The following TRIM37 variants were observed in gnomAD, a reference collection of about 807,000 sequenced individuals.
TRIM37 encodes tripartite motif containing 37, also known as E3 ubiquitin-protein ligase TRIM37.
In TRIM37, 80 loss-of-function variants were observed where a neutral mutation model predicts 129.8. That is an observed-to-expected ratio of 0.62 (90% confidence interval 0.51 to 0.74). The LOEUF is 0.74. TRIM37 is among the 30% of genes least tolerant of loss of function. The pLI is 0.00. For synonymous variants in TRIM37, 389 were observed against 387.1 expected, an observed-to-expected ratio of 1.00 and a Z score of -0.06; for missense variants, 1,054 against 1,176.5, an observed-to-expected ratio of 0.90 and a Z score of 1.52.
intron 21 of TRIM37, among the ~76,000 whole-genome samples, chr17:59,014,773 A>T (rs545685101): frequency 6.6e-6 from 1 of 151,952 alleles, no homozygotes; most frequent in Admixed American, 6.6e-5. Context: ...TTTACAAGGC[A>T]GAGTTCAGAT....
intron 17 of TRIM37, among the ~76,000 whole-genome samples, chr17:59,035,772 C>CA (rs993555555): frequency 2.7e-4 from 41 of 151,612 alleles, no homozygotes; most frequent in Non-Finnish European, 5.2e-4. Context: ...ACCAAAAAAA[C>CA]AAAAAAACAA....
chr17:59,040,850 T>C (rs1002862739), intron 17 of TRIM37, among the ~76,000 whole-genome samples: 9 of 151,754 alleles, frequency 5.9e-5, no homozygotes, highest in African/African-American at 2.2e-4. Context: ...ATCAAGACCA[T>C]CCTGGCTAAC....
chr17:58,999,507 CAA>C (rs753915456), intron 23 of TRIM37, 48 bp from the exon 24 acceptor site: 3 of 1,462,158 alleles, frequency 2.1e-6, no homozygotes, highest in African/African-American at 2.9e-5. Context: ...AAGCATATAA[CAA>C]GGGCAGTATT....
chr17:59,045,865 A>G (rs1341410483), intron 16 of TRIM37, among the ~76,000 whole-genome samples: 1 of 151,564 alleles, frequency 6.6e-6, no homozygotes, highest in Non-Finnish European at 1.5e-5. Flanking sequence ...AAATACAAAA[A>G]AATAGCCAGG....
chr17:59,073,614 T>G (rs913460818), intron 8 of TRIM37, among the ~76,000 whole-genome samples: 2 of 152,204 alleles, frequency 1.3e-5, no homozygotes, highest in Non-Finnish European at 2.9e-5. Flanking sequence ...TTTAAACAGA[T>G]GGGTCTTGCT....
downstream of TRIM37, among the ~76,000 whole-genome samples, chr17:58,993,806 G>T (rs1298305074): frequency 6.6e-6 from 1 of 152,126 alleles, no homozygotes; most frequent in Non-Finnish European, 1.5e-5. Context: ...AGGATATGTG[G>T]GGGAGGACAG....
chr17:59,057,611 C>A (rs989734475), intron 12 of TRIM37, among the ~76,000 whole-genome samples: 1 of 152,108 alleles, frequency 6.6e-6, no homozygotes, highest in South Asian at 2.1e-4. Flanking sequence ...GCAACCTCTG[C>A]CCCCCAGTTC....
chr17:58,972,104 A>G, the TRIM37 span: 1 of 1,588,666 alleles, frequency 6.3e-7, no homozygotes, highest in Non-Finnish European at 8.6e-7. Context: ...CTTTTCACTG[A>G]GTCTAGTTTT....
chr17:59,016,405 A>G (rs1348025765), intron 20 of TRIM37, among the ~76,000 whole-genome samples: 1 of 151,250 alleles, frequency 6.6e-6, no homozygotes, highest in Non-Finnish European at 1.5e-5. Context: ...TCAAAAAAAA[A>G]AAAAAAAAAA....
At chr17:59,025,129 C>T (rs1598968718) in intron 19 of TRIM37, among the ~76,000 whole-genome samples, 1 of 151,998 alleles carries the variant, frequency 6.6e-6, no homozygotes, top group East Asian at 1.9e-4. Flanking sequence ...GGAATCTGGT[C>T]TATAATAAAG....
At chr17:59,064,332 C>T (rs754473667) in intron 10 of TRIM37, 23 bp downstream of exon 10, 1 of 1,582,662 alleles carries the variant, frequency 6.3e-7, no homozygotes, top group Non-Finnish European at 8.6e-7. Context: ...TACAAAAAAA[C>T]CAGAATTGTC....
chr17:58,983,868 C>T (rs1430477206), intron 24 of TRIM37: 1 of 152,554 alleles, frequency 6.6e-6, no homozygotes, highest in Non-Finnish European at 1.5e-5. Context: ...GTTAGGGAAA[C>T]AAACTTCAGG....
At chr17:59,061,707 A>C (rs2146506364) in intron 11 of TRIM37, among the ~76,000 whole-genome samples, 1 of 152,210 alleles carries the variant, frequency 6.6e-6, no homozygotes. Flanking sequence ...CTAGTACTTC[A>C]GGTGTCTATG....
chr17:59,046,382 C>T (rs778732346), intron 16 of TRIM37, among the ~76,000 whole-genome samples: 30 of 152,094 alleles, frequency 2.0e-4, no homozygotes, highest in African/African-American at 2.9e-4. Context: ...CTCTGTATGA[C>T]GCAGTGAAAA....
At chr17:59,081,766 G>A (rs943599293) in intron 5 of TRIM37, among the ~76,000 whole-genome samples, 5 of 151,514 alleles carry the variant, frequency 3.3e-5, no homozygotes, top group African/African-American at 9.7e-5. Context: ...ATGTAGCCAC[G>A]CATGTTGGCG....
intron 17 of TRIM37, among the ~76,000 whole-genome samples, chr17:59,041,155 CTTAA>C (rs1336721468): frequency 1.3e-5 from 2 of 152,050 alleles, no homozygotes; most frequent in African/African-American, 4.8e-5. Flanking sequence ...AGATTCACTA[CTTAA>C]TTAAATAGAT....
At chr17:59,075,248 T>G (rs2042703630) in intron 8 of TRIM37, among the ~76,000 whole-genome samples, 1 of 151,406 alleles carries the variant, frequency 6.6e-6, no homozygotes, top group Admixed American at 6.6e-5. Context: ...AGATAATCTC[T>G]GTCAAAAAAA....
intron 1 of TRIM37, 70 bp downstream of exon 1, chr17:59,106,371 C>T (rs1223683206): frequency 6.3e-7 from 1 of 1,597,912 alleles, no homozygotes; most frequent in Non-Finnish European, 8.6e-7. Flanking sequence ...GACATGGGCA[C>T]GACTCCCCGA....
At chr17:58,971,317 A>G in the TRIM37 span, among the ~76,000 whole-genome samples, 4 of 152,168 alleles carry the variant, frequency 2.6e-5, no homozygotes, top group Admixed American at 2.6e-4. Flanking sequence ...TGTTTTTCTC[A>G]TTGGATACAA....
Sources: allele counts gnomAD v4.1 joint callset (sites outside exome capture counted in the v4.1 genomes callset), GRCh38; gene constraint gnomAD v4.1.1; transcripts MANE v1.5; gene names NCBI Gene and HGNC (gene_info 2026-07-23, HGNC 2026-07-21).